The following LRRC4B variants were observed in gnomAD, a reference collection of about 807,000 sequenced individuals.
LRRC4B encodes the protein leucine-rich repeat-containing protein 4B.
In LRRC4B, 1 loss-of-function variant was observed where a neutral mutation model predicts 7.3. The observed-to-expected ratio is 0.14, with a 90% CI of 0.05 to 0.65. The LOEUF (loss-of-function observed/expected upper bound fraction) is 0.65, where lower values mean the gene tolerates loss of function less well. Among genes scored for constraint, LRRC4B ranks in the 30% least tolerant of loss-of-function variants. The pLI, the probability that LRRC4B is intolerant of heterozygous loss-of-function variation, is 0.84. For synonymous variants in LRRC4B, 500 were observed against 499.2 expected, an observed-to-expected ratio of 1.00 and a Z score of -0.02; for missense variants, 730 against 1,041.6, an observed-to-expected ratio of 0.70 and a Z score of 4.12.
In LRRC4B at chr19:50,568,372, C is replaced by A. The variant is rs1031129605; in HGVS notation, c.-464G>T. On this transcript the variant is annotated 5_prime_UTR_variant, in exon 1 of 3. Transcript: ENST00000652263. Reference sequence around the variant, plus strand: ...AGGCCCCGGCCCCGGCCCCGGCCCCCGCCTCGGACGGTGCGGCAGCGACCG... The same window carrying A: ...AGGCCCCGGCCCCGGCCCCGGCCCCAGCCTCGGACGGTGCGGCAGCGACCG... Among the ~76,000 whole-genome samples, 1 of 148,164 alleles carries A rather than the reference C, an allele frequency of 6.7e-6. No homozygotes were observed. The highest frequency in any genetic ancestry group is 6.7e-5 in the Admixed American group (1 of 15,000).
intron 1 of LRRC4B, among the ~76,000 whole-genome samples, chr19:50,565,126 G>C (rs578202731): frequency 6.6e-6 from 1 of 152,300 alleles, no homozygotes; most frequent in Admixed American, 6.5e-5. Flanking sequence ...TGCTGGATGG[G>C]GCTGGCCCTC....
intron 2 of LRRC4B, among the ~76,000 whole-genome samples, chr19:50,532,488 G>T (rs1309053651): frequency 6.6e-6 from 1 of 152,158 alleles, no homozygotes; most frequent in African/African-American, 2.4e-5. Context: ...AGATGCATGG[G>T]GTTCCCTCTG....
chr19:50,564,887 A>G (rs887384513), intron 1 of LRRC4B, among the ~76,000 whole-genome samples: 18 of 148,982 alleles, frequency 1.2e-4, no homozygotes, highest in Admixed American at 1.1e-3. Context: ...CCCCGCCCCC[A>G]ATCCCCAACC....
chr19:50,519,520 T>G lies in LRRC4B; in HGVS notation c.298-105A>C. ...TGGGGCCGTGTGGCTGGATCTCCCG[T>G]GCTGTGCTGTGACGGTACGACCTAT... On this transcript the variant is annotated intron_variant, in intron 2 of 2. Coordinates refer to ENST00000652263, the MANE Select transcript of LRRC4B (RefSeq NM_001080457.2). This position sits in a 1 kb window ranked among gnomAD's most constrained non-coding sequence, Gnocchi z 8.1. 1 of 1,444,440 alleles carries G rather than the reference T, an allele frequency of 6.9e-7. No homozygotes were observed. Among genetic ancestry groups the G allele is most frequent in the East Asian group, 2.5e-5 (1 of 40,130 alleles). The allele number at this position is 1,444,440 out of a possible 1,614,324, so 89.5% of individuals were successfully genotyped here. A position where few individuals can be genotyped will look rare whatever the true frequency, so the allele number is the denominator to read the frequency against.
intron 2 of LRRC4B, among the ~76,000 whole-genome samples, chr19:50,532,096 C>T (rs1038961188): frequency 7.9e-5 from 12 of 152,154 alleles, no homozygotes; most frequent in African/African-American, 1.9e-4. Flanking sequence ...TTTACCCTGG[C>T]GTGGTGGCAC....
At chr19:50,525,452 C>T (rs1157366558) in intron 2 of LRRC4B, among the ~76,000 whole-genome samples, 1 of 149,414 alleles carries the variant, frequency 6.7e-6, no homozygotes, top group East Asian at 2.0e-4. Flanking sequence ...GTTGCCTAGG[C>T]TGGAGTGCAA....
chr19:50,543,050 G>C (rs1357555722), intron 2 of LRRC4B, among the ~76,000 whole-genome samples: 3 of 152,002 alleles, frequency 2.0e-5, no homozygotes, highest in Admixed American at 6.6e-5. Context: ...GCAGGGATTC[G>C]CGTCGGCTCC....
intron 1 of LRRC4B, among the ~76,000 whole-genome samples, chr19:50,564,542 G>C (rs1982564982): frequency 1.3e-5 from 2 of 152,056 alleles, no homozygotes; most frequent in Non-Finnish European, 2.9e-5. Flanking sequence ...GGGAAAGACT[G>C]ATGAATGAGT....
chr19:50,551,298 C>T (rs868423975), intron 1 of LRRC4B, among the ~76,000 whole-genome samples: 18 of 151,468 alleles, frequency 1.2e-4, no homozygotes, highest in Admixed American at 2.6e-4. Context: ...GGCTTCCTGT[C>T]GAGATCGTGC....
At position 50,548,506 on chromosome 19, in the gene LRRC4B, C is replaced by G. The variant is rs750818687; in HGVS notation, c.297+36G>C. 1 of 1,563,112 alleles carries G rather than the reference C, an allele frequency of 6.4e-7. No individual in the cohort carries two copies. Among genetic ancestry groups the G allele is most frequent in the South Asian group, 1.2e-5 (1 of 86,134 alleles). ...CATCTGCATGCCTCCCCAGTGTCCC[C>G]TCCAAGGTCCCCCTCTGCCCGCTGG... On this transcript the variant is annotated intron_variant, in intron 2 of 2. Coordinates refer to ENST00000652263, the MANE Select transcript of LRRC4B (RefSeq NM_001080457.2). The surrounding 1 kb of genome is among the most constrained non-coding windows in gnomAD (Gnocchi z 6.8).
At chr19:50,562,600 C>A (rs1982503579) in intron 1 of LRRC4B, among the ~76,000 whole-genome samples, 1 of 152,154 alleles carries the variant, frequency 6.6e-6, no homozygotes, top group Non-Finnish European at 1.5e-5. Flanking sequence ...AGTGTTTGAA[C>A]AAGAACTCTG....
chr19:50,564,651 C>T (rs895983176), intron 1 of LRRC4B, among the ~76,000 whole-genome samples: 8 of 151,916 alleles, frequency 5.3e-5, no homozygotes, highest in Admixed American at 3.3e-4. Context: ...AGAGGCGAGA[C>T]GGCTTGACAG....
chr19:50,532,485 T>C (rs1981102270), intron 2 of LRRC4B, among the ~76,000 whole-genome samples: 1 of 152,188 alleles, frequency 6.6e-6, no homozygotes, highest in African/African-American at 2.4e-5. Context: ...GAGAGATGCA[T>C]GGGGTTCCCT....
chr19:50,561,008 T>G (rs558483112), intron 1 of LRRC4B, among the ~76,000 whole-genome samples: 1 of 152,186 alleles, frequency 6.6e-6, no homozygotes, highest in Admixed American at 6.5e-5. Flanking sequence ...GGAGAATCGC[T>G]TGAACCTGGG....
At position 50,548,195 on chromosome 19, in the gene LRRC4B, C is replaced by T. The variant is rs1363396571; in HGVS notation, c.297+347G>A. Among the ~76,000 whole-genome samples, 1 of 152,186 alleles carries T rather than the reference C, an allele frequency of 6.6e-6. No homozygotes were observed. The highest frequency in any genetic ancestry group is 6.5e-5 in the Admixed American group (1 of 15,290). Reference sequence around the variant, plus strand: ...CGAGAGGGTGTGGTGGTGCAGATGCCACAGGGGTCCCTGTGAAAGGGTTGC... The same window carrying T: ...CGAGAGGGTGTGGTGGTGCAGATGCTACAGGGGTCCCTGTGAAAGGGTTGC... On this transcript the variant is annotated intron_variant, in intron 2 of 2. Transcript: ENST00000652263. The surrounding 1 kb of genome is among the most constrained non-coding windows in gnomAD (Gnocchi z 6.8).
In LRRC4B at chr19:50,556,064, G is replaced by A. The variant is rs1001580287; in HGVS notation, c.-35-7191C>T. 1.3e-5 allele frequency among the ~76,000 whole-genome samples: 2 copies of A among 152,128 alleles called. No homozygotes were observed. Among genetic ancestry groups the A allele is most frequent in the African/African-American group, 4.8e-5 (2 of 41,418 alleles). Reference sequence around the variant, plus strand: ...TGTCCTGAATGCTTTCAAAATAAAAGCAGCCCCACAGCGCCGAGAATTGTC... The same window carrying A: ...TGTCCTGAATGCTTTCAAAATAAAAACAGCCCCACAGCGCCGAGAATTGTC... On this transcript the variant is annotated intron_variant, in intron 1 of 2. Coordinates refer to ENST00000652263, the MANE Select transcript of LRRC4B (RefSeq NM_001080457.2). This position sits in a 1 kb window ranked among gnomAD's most constrained non-coding sequence, Gnocchi z 4.2.
At chr19:50,552,692 CCAT>C (rs1982138996) in intron 1 of LRRC4B, among the ~76,000 whole-genome samples, 1 of 133,010 alleles carries the variant, frequency 7.5e-6, no homozygotes, top group Non-Finnish European at 1.5e-5. Context: ...ATCCATCCGT[CCAT>C]CCATCCGCCC....
intron 1 of LRRC4B, among the ~76,000 whole-genome samples, chr19:50,557,077 A>G (rs1982301979): frequency 6.6e-6 from 1 of 151,890 alleles, no homozygotes; most frequent in Non-Finnish European, 1.5e-5. Flanking sequence ...GAGCTGCGCC[A>G]GGGGTCCGGG....
In LRRC4B at chr19:50,524,141, C is replaced by T. The variant is rs748883002; in HGVS notation, c.298-4726G>A. Among the ~76,000 whole-genome samples, 5 of 151,966 alleles carry T rather than the reference C, an allele frequency of 3.3e-5. No homozygotes were observed. The East Asian group carries it at 5.8e-4, about 18-fold the overall frequency. On this transcript the variant is annotated intron_variant, in intron 2 of 2. Coordinates refer to ENST00000652263, the MANE Select transcript of LRRC4B (RefSeq NM_001080457.2). ...CCAGATATACCTGAGAGGCAAACAGCGTAAGAAATGGTAGAATCTGTGGCA... is the reference window on the plus strand; with the variant it reads ...CCAGATATACCTGAGAGGCAAACAGTGTAAGAAATGGTAGAATCTGTGGCA...
Sources: allele counts gnomAD v4.1 joint callset (sites outside exome capture counted in the v4.1 genomes callset), GRCh38; gene constraint gnomAD v4.1.1; non-coding constraint Gnocchi (gnomAD v3.1); transcripts MANE v1.5; gene names NCBI Gene and HGNC (gene_info 2026-07-23, HGNC 2026-07-21).